The following TANC2 variants were observed in gnomAD, a reference collection of about 807,000 sequenced individuals.
TANC2 encodes the protein tetratricopeptide repeat, ankyrin repeat and coiled-coil containing 2.
Under a neutral mutation model 210.5 loss-of-function variants are expected in TANC2, and 26 were observed. The ratio of observed to expected loss-of-function variants is 0.12; its 90% CI spans 0.09 to 0.17. The LOEUF is 0.17. Among genes scored for constraint, TANC2 ranks in the 10% least tolerant of loss-of-function variants. TANC2 has a pLI of 1.00. For missense variants in TANC2, 2,129 were observed against 2,608.9 expected (o/e 0.82, Z 4.01); for synonymous variants, 931 against 967.1 (o/e 0.96, Z 0.69).
At chr17:63,406,023 G>A (rs1488391091) in intron 20 of TANC2, 131 bp from the exon 21 acceptor site, 1 of 1,161,262 alleles carries the variant, frequency 8.6e-7, no homozygotes, top group Non-Finnish European at 1.2e-6. Flanking sequence ...AGGTACTTAT[G>A]GGGGAAGTGG....
At position 63,196,381 on chromosome 17, in the gene TANC2, T is replaced by C. The variant is rs991565519; in HGVS notation, c.582+2242T>C. Among the ~76,000 whole-genome samples the C allele has an allele frequency of 6.6e-5, 10 of 152,350 alleles. No individual in the cohort carries two copies. In the South Asian group the frequency reaches 1.4e-3, roughly 22 times the overall value. On this transcript the variant is annotated intron_variant, in intron 6 of 27. Transcript: ENST00000689528. ...ATGTCAAGTTAAAATGTGACTGTTA[T>C]AGTAATGACCAGGTAACTTGATGTC...
intron 14 of TANC2, 53 bp downstream of exon 14, chr17:63,355,443 A>G (rs910775237): frequency 1.1e-5 from 16 of 1,470,136 alleles, no homozygotes; most frequent in African/African-American, 2.8e-5. Flanking sequence ...TGTTTATTGC[A>G]TGGAGTGTGA....
At chr17:63,167,565 A>G (rs1477129471) in intron 5 of TANC2, among the ~76,000 whole-genome samples, 1 of 152,180 alleles carries the variant, frequency 6.6e-6, no homozygotes, top group Non-Finnish European at 1.5e-5. Flanking sequence ...GATGAAATGT[A>G]TTAATTAACT....
chr17:63,398,949 T>G, intron 19 of TANC2, 35 bp downstream of exon 19: 1 of 1,462,576 alleles, frequency 6.8e-7, no homozygotes. Context: ...AAGAATGTGT[T>G]GTGTTTGTGT....
At chr17:63,198,453 C>T (rs962157343) in intron 6 of TANC2, among the ~76,000 whole-genome samples, 2 of 152,178 alleles carry the variant, frequency 1.3e-5, no homozygotes, top group Admixed American at 6.5e-5. Context: ...CCTCAAGCCT[C>T]CCAAAGTGCT....
chr17:63,155,858 T>C (rs2039817844), intron 5 of TANC2, among the ~76,000 whole-genome samples: 1 of 152,206 alleles, frequency 6.6e-6, no homozygotes, highest in Admixed American at 6.5e-5. Context: ...TTGGATTTTT[T>C]ATCTGTATTG....
chr17:63,009,596 G>A, exon 2 of TANC2: 1 of 1,612,962 alleles, frequency 6.2e-7, no homozygotes, highest in Non-Finnish European at 8.5e-7. Flanking sequence ...GCTTACTGGT[G>A]GGAAATCAAG....
At chr17:63,201,177 T>TAAGA (rs1567809932) in intron 7 of TANC2, among the ~76,000 whole-genome samples, 3 of 152,082 alleles carry the variant, frequency 2.0e-5, no homozygotes, top group Non-Finnish European at 4.4e-5. Flanking sequence ...TATTCCCTGA[T>TAAGA]AAGAAGGAGT....
chr17:63,181,066 A>G (rs1304856469), intron 5 of TANC2, among the ~76,000 whole-genome samples: 1 of 144,734 alleles, frequency 6.9e-6, no homozygotes, highest in Non-Finnish European at 1.5e-5. Flanking sequence ...AGGCATAGTG[A>G]TGTAATTTAG....
At chr17:63,170,332 G>A (rs1444070283) in intron 5 of TANC2, among the ~76,000 whole-genome samples, 1 of 151,244 alleles carries the variant, frequency 6.6e-6, no homozygotes, top group Non-Finnish European at 1.5e-5. Context: ...CTACTCGGGA[G>A]GCTCAGGCAG....
chr17:63,378,875 G>A (rs892943893), intron 14 of TANC2, among the ~76,000 whole-genome samples: 5 of 152,212 alleles, frequency 3.3e-5, no homozygotes, highest in African/African-American at 1.2e-4. Context: ...TGGGGAAGAG[G>A]TTGTAAGTCC....
At chr17:63,266,572 A>G (rs572693954) in intron 8 of TANC2, among the ~76,000 whole-genome samples, 240 of 152,228 alleles carry the variant, frequency 1.6e-3, no homozygotes, top group Non-Finnish European at 2.8e-3. Context: ...TGAAGAGCTT[A>G]TTTATAATCA....
chr17:63,318,154 T>C (rs772188576), intron 10 of TANC2, among the ~76,000 whole-genome samples: 1 of 152,204 alleles, frequency 6.6e-6, no homozygotes, highest in Non-Finnish European at 1.5e-5. Context: ...TTTTTCCTAT[T>C]CTTCCTTCTT....
chr17:63,226,867 C>G (rs1417198746), intron 7 of TANC2, among the ~76,000 whole-genome samples: 1 of 152,124 alleles, frequency 6.6e-6, no homozygotes, highest in Non-Finnish European at 1.5e-5. Context: ...GTTTTCTATT[C>G]CTGTGTTAGT....
chr17:63,237,667 TC>T, intron 7 of TANC2, 146 bp from the exon 8 acceptor site: 1 of 709,374 alleles, frequency 1.4e-6, no homozygotes, highest in African/African-American at 1.8e-5. Context: ...CCAGTTTCAT[TC>T]CCCTGCATAT....
At chr17:63,114,874 C>T (rs1019963331) in intron 4 of TANC2, among the ~76,000 whole-genome samples, 2 of 152,114 alleles carry the variant, frequency 1.3e-5, no homozygotes, top group Non-Finnish European at 2.9e-5. Context: ...TAAGTTAAAT[C>T]CAATTTTTCA....
chr17:63,263,710 A>C (rs1382820883), intron 8 of TANC2, among the ~76,000 whole-genome samples: 1 of 152,230 alleles, frequency 6.6e-6, no homozygotes. Flanking sequence ...CCTGTTCTTG[A>C]AACCATACTT....
At chr17:63,245,088 A>T (rs1165975876) in intron 8 of TANC2, among the ~76,000 whole-genome samples, 1 of 152,158 alleles carries the variant, frequency 6.6e-6, no homozygotes, top group East Asian at 1.9e-4. Flanking sequence ...AAAATCAGTG[A>T]TTTTACTATT....
chr17:63,054,621 T>A (rs1031867185), intron 2 of TANC2, among the ~76,000 whole-genome samples: 4 of 151,834 alleles, frequency 2.6e-5, no homozygotes, highest in African/African-American at 9.7e-5. Flanking sequence ...GACCTTTTGA[T>A]CCCCCAGCCT....
Sources: gnomAD v4.1 joint callset for allele counts (sites outside exome capture counted in the v4.1 genomes callset) on GRCh38, gnomAD v4.1.1 for gene constraint, MANE v1.5 for transcripts, NCBI Gene and HGNC (gene_info 2026-07-23, HGNC 2026-07-21) for gene names.